Variants in PARD3B observed in about 807,000 individuals in gnomAD.
PARD3B encodes the protein par-3 family cell polarity regulator beta.
Under a neutral mutation model 130.2 loss-of-function variants are expected in PARD3B, and 103 were observed. That is an observed-to-expected ratio of 0.79 (90% CI 0.67 to 0.93). The LOEUF (loss-of-function observed/expected upper bound fraction) is 0.93, where lower values mean the gene tolerates loss of function less well. Among genes scored for constraint, PARD3B ranks in the 40% least tolerant of loss-of-function variants. PARD3B has a pLI of 0.00. For synonymous variants in PARD3B, 583 were observed against 553.2 expected (o/e 1.05, Z -0.76); for missense variants, 1,609 against 1,499.2 (o/e 1.07, Z -1.21).
rs550224222 is a variant in PARD3B, at chr2:205,116,801, A to G, written c.681-2120A>G. 6.6e-6 allele frequency among the ~76,000 whole-genome samples: 1 copy of G among 152,274 alleles called. No individual in the cohort carries two copies. The highest frequency in any genetic ancestry group is 2.1e-4 in the South Asian group (1 of 4,828). ...AATCAGTCAGTTTTACATTTTACCA[A>G]AATTACCTCTGACACATGGGTTTTA... On this transcript the variant is annotated intron_variant, in intron 6 of 22. Transcript: ENST00000406610. This position sits in a 1 kb window ranked among gnomAD's most constrained non-coding sequence, Gnocchi z 4.5.
rs972097441 is a variant in PARD3B, at chr2:205,146,130, C to A, written c.1435-12592C>A. ...AAGTCTCATCTGTGGATACAGCAGG[C>A]ACCGTAGCCCATGTACTCACTTTAA... On this transcript the variant is annotated intron_variant, in intron 10 of 22. Transcript: ENST00000406610. The surrounding 1 kb of genome is among the most constrained non-coding windows in gnomAD (Gnocchi z 4.3). 7.2e-5 allele frequency among the ~76,000 whole-genome samples: 11 copies of A among 152,206 alleles called. No individual in the cohort carries two copies. Among genetic ancestry groups the A allele is most frequent in the Non-Finnish European group, 1.3e-4 (9 of 68,040 alleles).
chr2:205,451,581 G>A (rs540709595), intron 20 of PARD3B, among the ~76,000 whole-genome samples: 38 of 152,012 alleles, frequency 2.5e-4, no homozygotes, highest in African/African-American at 8.2e-4. Context: ...CCCTGTGAGA[G>A]GCTATCCTTA....
intron 21 of PARD3B, among the ~76,000 whole-genome samples, chr2:205,506,567 AAC>A (rs987464064): frequency 6.6e-6 from 1 of 152,208 alleles, no homozygotes; most frequent in Non-Finnish European, 1.5e-5. Flanking sequence ...GGAAAGAGAA[AAC>A]ACAATGCTGA....
At chr2:205,188,250 A>C (rs1477328368) in intron 14 of PARD3B, among the ~76,000 whole-genome samples, 1 of 152,214 alleles carries the variant, frequency 6.6e-6, no homozygotes, top group Non-Finnish European at 1.5e-5. Context: ...GGGAAGGGCA[A>C]TTTAGGTTAA....
intron 2 of PARD3B, among the ~76,000 whole-genome samples, chr2:204,740,112 C>T (rs1033674380): frequency 8.6e-5 from 13 of 151,848 alleles, no homozygotes; most frequent in Admixed American, 6.6e-4. Flanking sequence ...CTCCCAGGTT[C>T]GAGTGATTCT....
chr2:205,297,640 C>T (rs762093060), intron 16 of PARD3B, among the ~76,000 whole-genome samples: 1 of 152,124 alleles, frequency 6.6e-6, no homozygotes, highest in Admixed American at 6.5e-5. Context: ...ACCTGTAAAT[C>T]CTTATAAGGA....
intron 15 of PARD3B, among the ~76,000 whole-genome samples, chr2:205,231,200 A>G (rs2038817190): frequency 6.6e-6 from 1 of 152,038 alleles, no homozygotes; most frequent in Non-Finnish European, 1.5e-5. Context: ...TATCAGTGGA[A>G]GCTTCTATTT....
At chr2:204,874,468 A>G (rs1436521778) in intron 2 of PARD3B, among the ~76,000 whole-genome samples, 3 of 152,220 alleles carry the variant, frequency 2.0e-5, no homozygotes, top group African/African-American at 7.2e-5. Flanking sequence ...AATATTGGGG[A>G]TGACAGAGAA....
At chr2:205,462,842 C>G (rs1409079916) in intron 20 of PARD3B, among the ~76,000 whole-genome samples, 1 of 152,168 alleles carries the variant, frequency 6.6e-6, no homozygotes, top group Non-Finnish European at 1.5e-5. Context: ...AAGTTTGGGG[C>G]TGGTTTTGAT....
At chr2:204,661,114 G>A (rs1453560910) in intron 1 of PARD3B, among the ~76,000 whole-genome samples, 1 of 152,128 alleles carries the variant, frequency 6.6e-6, no homozygotes, top group Non-Finnish European at 1.5e-5. Context: ...CTGATAGATT[G>A]AGGGACATTT....
chr2:204,881,695 A>G (rs187745108), intron 2 of PARD3B, among the ~76,000 whole-genome samples: 1 of 152,296 alleles, frequency 6.6e-6, no homozygotes, highest in Admixed American at 6.5e-5. Context: ...GGCCAGGCTA[A>G]TGAAGGAAAC....
At chr2:205,416,960 A>G (rs1392901118) in intron 19 of PARD3B, among the ~76,000 whole-genome samples, 2 of 151,996 alleles carry the variant, frequency 1.3e-5, no homozygotes, top group African/African-American at 4.8e-5. Context: ...TTTAAGTTCT[A>G]GGGTACATGT....
At chr2:205,547,427 A>G (rs2052426402) in intron 21 of PARD3B, among the ~76,000 whole-genome samples, 1 of 152,192 alleles carries the variant, frequency 6.6e-6, no homozygotes, top group African/African-American at 2.4e-5. Flanking sequence ...TAGCTTAAGA[A>G]AGAATAAATT....
At chr2:205,045,948 T>A (rs1040884151) in intron 3 of PARD3B, among the ~76,000 whole-genome samples, 1 of 152,178 alleles carries the variant, frequency 6.6e-6, no homozygotes, top group Non-Finnish European at 1.5e-5. Flanking sequence ...TTGGTTTTAC[T>A]TTTTGTTTAT....
intron 3 of PARD3B, among the ~76,000 whole-genome samples, chr2:204,966,892 A>G (rs778596268): frequency 1.7e-4 from 26 of 152,186 alleles, no homozygotes; most frequent in Non-Finnish European, 2.9e-4. Flanking sequence ...AAGCCTCGTC[A>G]TACTTAATTA....
At chr2:205,441,260 C>T (rs1446906333) in intron 20 of PARD3B, among the ~76,000 whole-genome samples, 1 of 152,082 alleles carries the variant, frequency 6.6e-6, no homozygotes, top group East Asian at 1.9e-4. Context: ...GGTGACAAGT[C>T]CACAGATCTT....
rs906627714 is a variant in PARD3B, at chr2:205,325,312, A to G, written c.2630+23611A>G. ...GTACATAAAATTATCATAATGTGCC[A>G]TGACAGCATTAAGGTAGTCAATGCC... On this transcript the variant is annotated intron_variant, in intron 18 of 22. Coordinates refer to ENST00000406610, the MANE Select transcript of PARD3B (RefSeq NM_001302769.2). This position sits in a 1 kb window ranked among gnomAD's most constrained non-coding sequence, Gnocchi z 4.1. Among the ~76,000 whole-genome samples the G allele has an allele frequency of 1.3e-5, 2 of 152,192 alleles. No homozygotes were observed. The highest frequency in any genetic ancestry group is 6.5e-5 in the Admixed American group (1 of 15,268).
chr2:204,685,519 A>G (rs1257524803), intron 1 of PARD3B, among the ~76,000 whole-genome samples: 2 of 152,208 alleles, frequency 1.3e-5, no homozygotes, highest in African/African-American at 4.8e-5. Context: ...TTTTTTAAAA[A>G]GCGATAGTTG....
chr2:205,158,651 G>C lies in PARD3B; in HGVS notation c.1435-71G>C, dbSNP rs2034325466. 1 of 1,417,952 alleles carries C rather than the reference G, an allele frequency of 7.1e-7. No homozygotes were observed. The highest frequency in any genetic ancestry group is 9.7e-7 in the Non-Finnish European group (1 of 1,030,774). The allele number at this position is 1,417,952 out of a possible 1,614,324, so 87.8% of individuals were successfully genotyped here. ...TGTCCTACTGATTGCATCTGTGTCT[G>C]GTCATCTGAGAGAGTGAAATATTAA... On this transcript the variant is annotated intron_variant, in intron 10 of 22. Transcript: ENST00000406610. The surrounding 1 kb of genome is among the most constrained non-coding windows in gnomAD (Gnocchi z 5.4).
Sources: gnomAD v4.1 joint callset for allele counts (sites outside exome capture counted in the v4.1 genomes callset) on GRCh38, gnomAD v4.1.1 for gene constraint, Gnocchi (gnomAD v3.1) non-coding constraint, MANE v1.5 for transcripts, NCBI Gene and HGNC (gene_info 2026-07-23, HGNC 2026-07-21) for gene names.